Variants in RPH3A observed in about 807,000 individuals in gnomAD.
RPH3A encodes rabphilin 3A, also known as rabphilin-3A.
RPH3A carries 48 observed loss-of-function variants against 102.2 expected under a neutral mutation model. The ratio of observed to expected loss-of-function variants is 0.47; its 90% CI spans 0.37 to 0.60. The LOEUF (loss-of-function observed/expected upper bound fraction) is 0.60. RPH3A is among the 20% of genes least tolerant of loss of function. RPH3A has a pLI of 0.00. For synonymous variants in RPH3A, 310 were observed against 324.3 expected, an observed-to-expected ratio of 0.96 and a Z score of 0.47; for missense variants, 781 against 910.1, an observed-to-expected ratio of 0.86 and a Z score of 1.83.
chr12:112,765,793 C>T (rs1412463464), intron 1 of RPH3A, among the ~76,000 whole-genome samples: 3 of 152,148 alleles, frequency 2.0e-5, no homozygotes, highest in Non-Finnish European at 2.9e-5. Context: ...ATCTTAGTAC[C>T]CATTGATTGG....
chr12:112,593,174 G>A (rs2039491411), intron 1 of RPH3A, among the ~76,000 whole-genome samples: 1 of 152,120 alleles, frequency 6.6e-6, no homozygotes, highest in Non-Finnish European at 1.5e-5. Flanking sequence ...GCTCATGTGA[G>A]GATACAACGA....
At chr12:112,653,910 T>C (rs2039993473) in intron 1 of RPH3A, among the ~76,000 whole-genome samples, 1 of 152,366 alleles carries the variant, frequency 6.6e-6, no homozygotes, top group South Asian at 2.1e-4. Context: ...TTAAACTTTT[T>C]TTTGTTAAAA....
intron 1 of RPH3A, among the ~76,000 whole-genome samples, chr12:112,774,851 G>T (rs2040954799): frequency 6.6e-6 from 1 of 152,112 alleles, no homozygotes; most frequent in African/African-American, 2.4e-5. Context: ...AGGAAAAATT[G>T]CATGCTGGGC....
intron 1 of RPH3A, among the ~76,000 whole-genome samples, chr12:112,632,216 A>G (rs968213705): frequency 6.6e-6 from 1 of 152,188 alleles, no homozygotes; most frequent in Non-Finnish European, 1.5e-5. Flanking sequence ...CTCCCCAGCC[A>G]TATGGAACTA....
At chr12:112,796,975 G>A (rs539208412) in intron 2 of RPH3A, among the ~76,000 whole-genome samples, 11 of 152,024 alleles carry the variant, frequency 7.2e-5, no homozygotes, top group Non-Finnish European at 1.6e-4. Context: ...ACTTGAACCC[G>A]GGAGATAGAG....
At chr12:112,871,659 A>G (rs1193502706) in intron 10 of RPH3A, among the ~76,000 whole-genome samples, 1 of 151,758 alleles carries the variant, frequency 6.6e-6, no homozygotes, top group East Asian at 1.9e-4. Flanking sequence ...AACACTGGGC[A>G]TAAATTAAGA....
chr12:112,818,149 A>T (rs573424400), intron 2 of RPH3A, among the ~76,000 whole-genome samples: 4,306 of 151,854 alleles, frequency 0.028, 199 homozygotes, highest in African/African-American at 0.097. Flanking sequence ...AAATACAAAA[A>T]ATTAGCCGGG....
intron 16 of RPH3A, among the ~76,000 whole-genome samples, chr12:112,883,660 C>T (rs1018255141): frequency 4.6e-5 from 7 of 151,804 alleles, no homozygotes; most frequent in Non-Finnish European, 8.8e-5. Flanking sequence ...GGGGATGGTG[C>T]GTGTGTGGGT....
At chr12:112,616,292 A>C (rs928935095) in intron 1 of RPH3A, among the ~76,000 whole-genome samples, 2 of 152,002 alleles carry the variant, frequency 1.3e-5, no homozygotes, top group Admixed American at 6.6e-5. Context: ...GATTACAGGC[A>C]CCTGCCACCA....
At chr12:112,599,158 G>A (rs1449292260) in intron 1 of RPH3A, among the ~76,000 whole-genome samples, 11 of 152,192 alleles carry the variant, frequency 7.2e-5, no homozygotes, top group Non-Finnish European at 1.5e-4. Context: ...AAAATGAGTT[G>A]TAGTGTGTGT....
At chr12:112,725,868 T>C (rs2040585725) in intron 1 of RPH3A, among the ~76,000 whole-genome samples, 3 of 151,656 alleles carry the variant, frequency 2.0e-5, no homozygotes, top group African/African-American at 7.3e-5. Flanking sequence ...CGATCTCGGC[T>C]CACTGCAACC....
intron 2 of RPH3A, among the ~76,000 whole-genome samples, chr12:112,795,985 A>G (rs1250903594): frequency 6.6e-6 from 1 of 152,214 alleles, no homozygotes; most frequent in Non-Finnish European, 1.5e-5. Flanking sequence ...GTGTAGCTGT[A>G]TGACTCACAA....
chr12:112,701,182 C>G (rs769665355), intron 1 of RPH3A, among the ~76,000 whole-genome samples: 7 of 152,114 alleles, frequency 4.6e-5, no homozygotes, highest in Non-Finnish European at 4.4e-5. Flanking sequence ...ACCATCAAAG[C>G]CACAGAGAGG....
chr12:112,719,720 C>T (rs549053032), intron 1 of RPH3A, among the ~76,000 whole-genome samples: 2 of 152,148 alleles, frequency 1.3e-5, no homozygotes, highest in Non-Finnish European at 2.9e-5. Flanking sequence ...TTGACTAATA[C>T]ATTTTGACTA....
intron 1 of RPH3A, among the ~76,000 whole-genome samples, chr12:112,657,085 A>G (rs569085873): frequency 6.6e-6 from 1 of 152,224 alleles, no homozygotes; most frequent in Non-Finnish European, 1.5e-5. Context: ...CCTTTCCTCC[A>G]CATCCTTGCC....
intron 5 of RPH3A, among the ~76,000 whole-genome samples, chr12:112,863,071 G>T (rs1213780404): frequency 6.6e-6 from 1 of 152,144 alleles, no homozygotes; most frequent in Admixed American, 6.5e-5. Flanking sequence ...AAGCTGGTGG[G>T]AAGTGACCCC....
intron 1 of RPH3A, among the ~76,000 whole-genome samples, chr12:112,768,872 A>G (rs1226904503): frequency 6.6e-6 from 1 of 152,186 alleles, no homozygotes; most frequent in Non-Finnish European, 1.5e-5. Context: ...TGATTGCTCC[A>G]CTGCACTCCA....
At chr12:112,617,114 C>G (rs1245071410) in intron 1 of RPH3A, among the ~76,000 whole-genome samples, 1 of 152,214 alleles carries the variant, frequency 6.6e-6, no homozygotes, top group African/African-American at 2.4e-5. Context: ...AGCTCTTTCT[C>G]TCTCCCTGTT....
chr12:112,882,463 G>C (rs1301120430), intron 15 of RPH3A, among the ~76,000 whole-genome samples: 1 of 152,154 alleles, frequency 6.6e-6, no homozygotes, highest in Non-Finnish European at 1.5e-5. Context: ...AGGCAAAGGT[G>C]GCAGTACATC....
Sources: allele counts gnomAD v4.1 joint callset (sites outside exome capture counted in the v4.1 genomes callset), GRCh38; gene constraint gnomAD v4.1.1; transcripts MANE v1.5; gene names NCBI Gene and HGNC (gene_info 2026-07-23, HGNC 2026-07-21).